The following SNX18 variants were observed in gnomAD, a reference collection of about 807,000 sequenced individuals.
The protein encoded by SNX18 is sorting nexin-18.
A neutral mutation model predicts 48.7 loss-of-function variants in SNX18; 35 were observed. That is an observed-to-expected ratio of 0.72 (90% CI 0.55 to 0.95). The LOEUF (loss-of-function observed/expected upper bound fraction) is 0.95. Ranked by LOEUF, SNX18 falls within the 40% of genes least tolerant of loss-of-function variation. The pLI is 0.00. For missense variants in SNX18, 824 were observed against 871.0 expected (o/e 0.95, Z 0.68); for synonymous variants, 492 against 384.7 (o/e 1.28, Z -3.26).
chr5:54,555,358 A>C, the SNX18 span, among the ~76,000 whole-genome samples: 1 of 148,860 alleles, frequency 6.7e-6, no homozygotes, highest in Non-Finnish European at 1.5e-5. Flanking sequence ...AGTGTTCAGC[A>C]TAGTACCCGG....
the SNX18 span, among the ~76,000 whole-genome samples, chr5:54,586,148 A>G: frequency 6.6e-6 from 1 of 152,320 alleles, no homozygotes; most frequent in South Asian, 2.1e-4. Flanking sequence ...GGAAAAATGG[A>G]GAAGAATGGC....
At chr5:54,528,052 A>AATT (rs1019560595) in intron 1 of SNX18, among the ~76,000 whole-genome samples, 3 of 151,994 alleles carry the variant, frequency 2.0e-5, no homozygotes, top group Admixed American at 6.6e-5. Context: ...AAAATGCTTA[A>AATT]AGTGCCAGAG....
rs560095073 is a variant in SNX18 at position 54,518,507 on chromosome 5, G to C, written c.555G>C (p.Ala185=). The C allele has an allele frequency of 5.1e-6, 8 of 1,556,326 alleles. No individual in the cohort carries two copies. Among genetic ancestry groups the C allele is most frequent in the Non-Finnish European group, 7.0e-6 (8 of 1,150,988 alleles). ...CGGACCTCGACGGCTCGTCTTCGGC[G>C]GGTGTGGGCGCAGCCGGCCGCTACC... ...AYPDLDGSSS[A]GVGAAGRYRL... Residue 185 remains alanine, a synonymous_variant, in exon 1 of 2, where the codon GCG becomes GCC. Transcript: ENST00000381410.
At chr5:54,580,894 C>T in the SNX18 span, among the ~76,000 whole-genome samples, 332 of 152,224 alleles carry the variant, frequency 2.2e-3, 2 homozygotes, top group African/African-American at 7.3e-3. Flanking sequence ...ACCTTTGCTT[C>T]GGGGAAACTT....
the SNX18 span, among the ~76,000 whole-genome samples, chr5:54,637,169 G>A: frequency 1.3e-5 from 2 of 152,126 alleles, no homozygotes; most frequent in East Asian, 3.9e-4. Context: ...AGCAGAACAT[G>A]TAAAGGGGAG....
At chr5:54,560,936 C>T in the SNX18 span, among the ~76,000 whole-genome samples, 1 of 152,168 alleles carries the variant, frequency 6.6e-6, no homozygotes, top group Admixed American at 6.5e-5. Flanking sequence ...AATTGAGTAG[C>T]CACCACCAAA....
At chr5:54,566,107 C>T in the SNX18 span, among the ~76,000 whole-genome samples, 1 of 152,242 alleles carries the variant, frequency 6.6e-6, no homozygotes, top group South Asian at 2.1e-4. Context: ...TCAGGTGGTC[C>T]AATGGCTACA....
the SNX18 span, among the ~76,000 whole-genome samples, chr5:54,577,382 C>T: frequency 8.1e-6 from 1 of 123,830 alleles, no homozygotes; most frequent in East Asian, 2.8e-4. Flanking sequence ...ACCTCAACTG[C>T]TCCAGCAGCT....
At chr5:54,550,676 C>T (rs182043090), downstream of SNX18, among the ~76,000 whole-genome samples, 16 of 152,224 alleles carry the variant, frequency 1.1e-4, no homozygotes, top group Non-Finnish European at 1.8e-4. Context: ...CTCCGCCTCC[C>T]GGGTTCAAGT....
rs1762527642 is a variant in SNX18 at position 54,544,238 on chromosome 5, C to T, written c.*806C>T. ...TCACCCAGGCGTCCCAAAAGCTTGG[C>T]GTGAAGATTTCAGCAAACATGTCTT... On this transcript the variant is annotated 3_prime_UTR_variant, in exon 2 of 2. Coordinates refer to ENST00000381410, the MANE Select transcript of SNX18 (RefSeq NM_001102575.2). The T allele has an allele frequency of 6.6e-6, 1 of 152,056 alleles. No individual in the cohort carries two copies. Among genetic ancestry groups the T allele is most frequent in the Admixed American group, 6.6e-5 (1 of 15,262 alleles). The allele number at this position is 152,056 out of a possible 1,614,324, so 9.4% of individuals were successfully genotyped here.
intron 1 of SNX18, among the ~76,000 whole-genome samples, chr5:54,536,211 A>T: frequency 6.6e-6 from 1 of 151,546 alleles, no homozygotes; most frequent in East Asian, 1.9e-4. Flanking sequence ...TTAAATAATT[A>T]TTTTTCCTGT....
At chr5:54,528,281 G>A (rs138723256) in intron 1 of SNX18, among the ~76,000 whole-genome samples, 4 of 152,204 alleles carry the variant, frequency 2.6e-5, no homozygotes, top group African/African-American at 9.6e-5. Context: ...GGATACACAC[G>A]GAGCACTGAG....
chr5:54,625,131 C>T, the SNX18 span, among the ~76,000 whole-genome samples: 3 of 152,144 alleles, frequency 2.0e-5, no homozygotes, highest in African/African-American at 7.2e-5. Context: ...TATGATTTCC[C>T]CATTCTCAGG....
chr5:54,629,981 G>C, the SNX18 span, among the ~76,000 whole-genome samples: 4 of 152,320 alleles, frequency 2.6e-5, no homozygotes, highest in South Asian at 8.3e-4. Flanking sequence ...TATTTATTGA[G>C]CTCTTATCAT....
intron 1 of SNX18, among the ~76,000 whole-genome samples, chr5:54,522,159 C>G (rs2112837907): frequency 6.6e-6 from 1 of 152,304 alleles, no homozygotes; most frequent in South Asian, 2.1e-4. Flanking sequence ...AAGCATTTGC[C>G]TATAACCAGT....
chr5:54,575,729 C>A, the SNX18 span, among the ~76,000 whole-genome samples: 1 of 151,950 alleles, frequency 6.6e-6, no homozygotes, highest in Non-Finnish European at 1.5e-5. Context: ...CTAGCCCCAC[C>A]CCACCATACC....
At chr5:54,521,720 A>G (rs1307611953) in intron 1 of SNX18, among the ~76,000 whole-genome samples, 1 of 152,064 alleles carries the variant, frequency 6.6e-6, no homozygotes, top group African/African-American at 2.4e-5. Context: ...CAAAAAATAT[A>G]TAGCTTATTT....
At chr5:54,561,814 C>T in the SNX18 span, among the ~76,000 whole-genome samples, 2 of 152,244 alleles carry the variant, frequency 1.3e-5, no homozygotes, top group Non-Finnish European at 2.9e-5. Flanking sequence ...GGCCTTTTGA[C>T]TCTACTTTTA....
the SNX18 span, among the ~76,000 whole-genome samples, chr5:54,627,702 C>A: frequency 6.8e-4 from 103 of 152,160 alleles, 1 homozygote; most frequent in African/African-American, 2.3e-3. Flanking sequence ...GTGCAGATTC[C>A]AGCCCATGCT....
Sources: allele counts gnomAD v4.1 joint callset (sites outside exome capture counted in the v4.1 genomes callset), GRCh38; gene constraint gnomAD v4.1.1; transcripts MANE v1.5; gene names NCBI Gene and HGNC (gene_info 2026-07-23, HGNC 2026-07-21).